Variants in ZNF197 observed in about 807,000 individuals in gnomAD.
The protein encoded by ZNF197 is VHL-associated KRAB-A domain-containing protein.
ZNF197 carries 14 observed loss-of-function variants against 27.4 expected under a neutral mutation model. The ratio of observed to expected loss-of-function variants is 0.51; its 90% CI spans 0.34 to 0.80. The LOEUF is 0.80. Ranked by LOEUF, ZNF197 falls within the 30% of genes least tolerant of loss-of-function variation. The pLI, the probability that ZNF197 is intolerant of heterozygous loss-of-function variation, is 0.02. For missense variants in ZNF197, 1,090 were observed against 1,222.6 expected, an observed-to-expected ratio of 0.89 and a Z score of 1.62; for synonymous variants, 415 against 420.0, an observed-to-expected ratio of 0.99 and a Z score of 0.15.
intron 5 of ZNF197, among the ~76,000 whole-genome samples, chr3:44,641,326 T>G (rs1165539236): frequency 1.3e-5 from 2 of 152,224 alleles, no homozygotes; most frequent in Non-Finnish European, 2.9e-5. Flanking sequence ...ATTTCTTAAT[T>G]TTAAACGGAG....
In ZNF197 at chr3:44,643,888, C is replaced by T. The variant is rs766608351; in HGVS notation, c.2758C>T (p.His920Tyr). ...DFSQNKNLVV[H>Y]QRMHTGEKPY... ...TAGTCAGAATAAAAACCTTGTTGTA[C>T]ATCAGAGAATGCACACTGGGGAAAA... Residue 920 changes from histidine to tyrosine, a missense_variant, in exon 6 of 6, where the codon CAT becomes TAT. Transcript: ENST00000344387. 12 of 1,613,622 alleles carry T rather than the reference C, an allele frequency of 7.4e-6. No individual in the cohort carries two copies. The South Asian group carries it at 1.1e-4, about 15-fold the overall frequency.
intron 2 of ZNF197, among the ~76,000 whole-genome samples, chr3:44,630,134 T>G (rs1198189499): frequency 1.3e-5 from 2 of 152,174 alleles, no homozygotes; most frequent in Admixed American, 6.5e-5. Flanking sequence ...GGAGGATCAC[T>G]TGAACCCAGG....
chr3:44,629,700 T>G (rs1701872956), intron 2 of ZNF197, among the ~76,000 whole-genome samples, 156 bp downstream of exon 2: 2 of 152,210 alleles, frequency 1.3e-5, no homozygotes, highest in African/African-American at 4.8e-5. Context: ...CCATGAGTAT[T>G]CAGACCATAG....
intron 5 of ZNF197, among the ~76,000 whole-genome samples, chr3:44,632,920 A>G (rs1213069780): frequency 6.6e-6 from 1 of 152,118 alleles, no homozygotes; most frequent in African/African-American, 2.4e-5. Flanking sequence ...TATATTGGCT[A>G]TATGATTTGT....
rs2125821958 is a variant in ZNF197, at chr3:44,642,348, C to T, written c.1218C>T (p.Gly406=). The T allele has an allele frequency of 6.2e-7, 1 of 1,614,104 alleles. No homozygotes were observed. The highest frequency in any genetic ancestry group is 8.5e-7 in the Non-Finnish European group (1 of 1,180,018). Residue 406 remains glycine, a synonymous_variant, in exon 6 of 6, where the codon GGC becomes GGT. Coordinates refer to ENST00000344387, the MANE Select transcript of ZNF197 (RefSeq NM_006991.5). ...ATAAATGTAAGGAATGTGGAAAAGG[C>T]TTTATTCAGCGTTCGAGCCTTCTAA... The part of the protein sequence containing the change: ...KPHKCKECGK[G]FIQRSSLLMH...
At chr3:44,634,937 C>G (rs566001324) in intron 5 of ZNF197, among the ~76,000 whole-genome samples, 1 of 150,434 alleles carries the variant, frequency 6.6e-6, no homozygotes, top group South Asian at 2.1e-4. Context: ...ACCTCCCACC[C>G]CAGCCTCCCA....
chr3:44,644,991 G>A lies in ZNF197; in HGVS notation c.*771G>A, dbSNP rs1702876075. The A allele has an allele frequency of 3.0e-6, 3 of 985,490 alleles. No homozygotes were observed. In the African/African-American group the frequency reaches 5.2e-5, roughly 17 times the overall value. 61.0% of individuals were successfully genotyped at this position (985,490 alleles called of 1,614,324 possible). A position where few individuals can be genotyped will look rare whatever the true frequency, so the allele number is the denominator to read the frequency against. ...AAACCTGAACAGACAGTATGATCCA[G>A]AATGTCAGGTGTGGAGTTGGGCGGA... On this transcript the variant is annotated 3_prime_UTR_variant, in exon 6 of 6. Transcript: ENST00000344387.
Position 44,640,464 on chromosome 3 carries a change from A to G in ZNF197, c.770-1436A>G, listed in dbSNP as rs141385533. Among the ~76,000 whole-genome samples, 1,340 of 149,710 alleles carry G rather than the reference A, an allele frequency of 9.0e-3. 21 individuals are homozygous for G. Among genetic ancestry groups the G allele is most frequent in the African/African-American group, 0.031 (1,280 of 40,678 alleles). Reference sequence around the variant, plus strand: ...GTGATCTCGGCTCACTGCAACCTCTACCTCCCTGGTTCAAGTGATTCTCCT... The same window carrying G: ...GTGATCTCGGCTCACTGCAACCTCTGCCTCCCTGGTTCAAGTGATTCTCCT... On this transcript the variant is annotated intron_variant, in intron 5 of 5. Transcript: ENST00000344387. This position sits in a 1 kb window ranked among gnomAD's most constrained non-coding sequence, Gnocchi z 4.0.
intron 1 of ZNF197, among the ~76,000 whole-genome samples, chr3:44,625,596 C>T (rs925226097): frequency 2.0e-5 from 3 of 152,072 alleles, no homozygotes; most frequent in Admixed American, 1.3e-4. Context: ...CTTTTTTAGT[C>T]TTTTAGTTTT....
At position 44,643,749 on chromosome 3, in the gene ZNF197, C is replaced by A. The variant is rs750691838; in HGVS notation, c.2619C>A (p.Thr873=). ...AAAGAATTCACAGTGGAGAAAAAAC[C>A]TACGAATGTCATGTATGTAGGAAAG... The part of the protein sequence containing the change: ...EHQRIHSGEK[T]YECHVCRKVL... Residue 873 remains threonine (T), a synonymous_variant, in exon 6 of 6, where the codon ACC becomes ACA. Coordinates refer to ENST00000344387, the MANE Select transcript of ZNF197 (RefSeq NM_006991.5). The A allele has an allele frequency of 3.7e-6, 6 of 1,613,924 alleles. No individual in the cohort carries two copies. The highest frequency in any genetic ancestry group is 3.3e-5 in the Admixed American group (2 of 59,996).
chr3:44,628,550 T>G (rs1011515768), intron 1 of ZNF197, among the ~76,000 whole-genome samples: 1 of 152,230 alleles, frequency 6.6e-6, no homozygotes, highest in Non-Finnish European at 1.5e-5. Flanking sequence ...GATTAATGAT[T>G]ACTTGTTAAC....
At chr3:44,638,637 G>A (rs1702434010) in intron 5 of ZNF197, among the ~76,000 whole-genome samples, 1 of 152,116 alleles carries the variant, frequency 6.6e-6, no homozygotes. Flanking sequence ...AGAGCAGACA[G>A]CCTTTTCTTG....
Position 44,640,274 on chromosome 3 carries a change from CTCAGTT to C in ZNF197, c.770-1624_770-1619del, listed in dbSNP as rs1164350119. Among the ~76,000 whole-genome samples the C allele has an allele frequency of 6.6e-6, 1 of 152,232 alleles. No homozygotes were observed. The highest frequency in any genetic ancestry group is 1.5e-5 in the Non-Finnish European group (1 of 68,044). ...TGCTAATTTCTTAACCATTTTCCATCTCAGTTTAACTACTTGTAACACTTCATTTCC... is the reference window on the plus strand; with the variant it reads ...TGCTAATTTCTTAACCATTTTCCATCTAACTACTTGTAACACTTCATTTCC... On this transcript the variant is annotated intron_variant, in intron 5 of 5. Coordinates refer to ENST00000344387, the MANE Select transcript of ZNF197 (RefSeq NM_006991.5). This position sits in a 1 kb window ranked among gnomAD's most constrained non-coding sequence, Gnocchi z 4.0.
At position 44,625,037 on chromosome 3, in the gene ZNF197, A is replaced by G. The variant is rs1169248464; in HGVS notation, c.-188A>G. ...AAGTCGCAGTATTCTCGGCTCGGCCATTATTCTGTGCCTCGGCTGCCGGAA... is the reference window on the plus strand; with the variant it reads ...AAGTCGCAGTATTCTCGGCTCGGCCGTTATTCTGTGCCTCGGCTGCCGGAA... On this transcript the variant is annotated 5_prime_UTR_variant, in exon 1 of 6. Coordinates refer to ENST00000344387, the MANE Select transcript of ZNF197 (RefSeq NM_006991.5). 6.6e-6 allele frequency: 1 copy of G among 152,232 alleles called. No homozygotes were observed. The highest frequency in any genetic ancestry group is 1.5e-5 in the Non-Finnish European group (1 of 68,084). The allele number at this position is 152,232 out of a possible 1,614,324, so 9.4% of individuals were successfully genotyped here.
intron 3 of ZNF197, among the ~76,000 whole-genome samples, chr3:44,631,567 G>A (rs1238564534): frequency 3.3e-5 from 5 of 151,456 alleles, no homozygotes; most frequent in African/African-American, 9.7e-5. Flanking sequence ...TGCCCGGCTA[G>A]TTTTTTAATT....
chr3:44,644,640 GAAAAAATA>G lies in ZNF197; in HGVS notation c.*423_*430del, dbSNP rs1559477723. The G allele has an allele frequency of 1.0e-6, 1 of 987,286 alleles. No homozygotes were observed. The highest frequency in any genetic ancestry group is 1.2e-6 in the Non-Finnish European group (1 of 831,338). The allele number at this position is 987,286 out of a possible 1,614,324, so 61.2% of individuals were successfully genotyped here. Reference sequence around the variant, plus strand: ...GGCAACAAGAGCGAAACTCTTGTCTGAAAAAATAAAGTTCATCCCAACTTTCAAGTCTA... The same window carrying G: ...GGCAACAAGAGCGAAACTCTTGTCTGAAGTTCATCCCAACTTTCAAGTCTA... On this transcript the variant is annotated 3_prime_UTR_variant, in exon 6 of 6. Coordinates refer to ENST00000344387, the MANE Select transcript of ZNF197 (RefSeq NM_006991.5).
At chr3:44,628,655 T>C (rs951942420) in intron 1 of ZNF197, among the ~76,000 whole-genome samples, 5 of 152,210 alleles carry the variant, frequency 3.3e-5, no homozygotes, top group African/African-American at 1.2e-4. Context: ...TGAAATGTAT[T>C]ATACATCAAA....
chr3:44,633,683 T>C (rs576690897), intron 5 of ZNF197, among the ~76,000 whole-genome samples: 3 of 152,360 alleles, frequency 2.0e-5, no homozygotes, highest in African/African-American at 7.2e-5. Flanking sequence ...TGCTTTACAT[T>C]GACAGCTTTA....
chr3:44,642,308 C>A lies in ZNF197; in HGVS notation c.1178C>A (p.Thr393Asn). 6.2e-7 allele frequency: 1 copy of A among 1,614,156 alleles called. No homozygotes were observed. The highest frequency in any genetic ancestry group is 8.5e-7 in the Non-Finnish European group (1 of 1,180,006). Reference sequence around the variant, plus strand: ...CTTATAAACCATCGGAGAATCCACACTGGTGAGAAACCTCATAAATGTAAG... The same window carrying A: ...CTTATAAACCATCGGAGAATCCACAATGGTGAGAAACCTCATAAATGTAAG... ...SHLINHRRIH[T>N]GEKPHKCKEC... Residue 393 changes from threonine (T) to asparagine (N), a missense_variant, in exon 6 of 6, where the codon ACT (threonine) becomes AAT (asparagine). By Grantham distance (65) the Thr-to-Asn change is moderately conservative (BLOSUM62 0). Transcript: ENST00000344387.
Sources: allele counts gnomAD v4.1 joint callset (sites outside exome capture counted in the v4.1 genomes callset), GRCh38; gene constraint gnomAD v4.1.1; non-coding constraint Gnocchi (gnomAD v3.1); transcripts MANE v1.5; gene names NCBI Gene and HGNC (gene_info 2026-07-23, HGNC 2026-07-21).